PDE8B: variants seen among roughly 807,000 people sequenced by gnomAD.
PDE8B encodes phosphodiesterase 8B.
Under a neutral mutation model 101.3 loss-of-function variants are expected in PDE8B, and 26 were observed. That is an observed-to-expected ratio of 0.26 (90% CI 0.19 to 0.36). PDE8B has a LOEUF of 0.36. Ranked by LOEUF, PDE8B falls within the 10% of genes least tolerant of loss-of-function variation. The pLI, the probability that PDE8B is intolerant of heterozygous loss-of-function variation, is 1.00. For synonymous variants in PDE8B, 424 were observed against 429.3 expected (o/e 0.99, Z 0.15); for missense variants, 810 against 1,163.1 (o/e 0.70, Z 4.42).
chr5:77,207,639 G>A (rs1285253758), upstream of PDE8B, among the ~76,000 whole-genome samples: 1 of 152,134 alleles, frequency 6.6e-6, no homozygotes, highest in East Asian at 1.9e-4. Context: ...GGGATGCATT[G>A]AAGTGGTCAG....
chr5:77,312,096 TTTTTTTTTC>T, intron 2 of PDE8B, 43 bp downstream of exon 2: 1 of 1,272,714 alleles, frequency 7.9e-7, no homozygotes. Flanking sequence ...ATTATTTTCT[TTTTTTTTTC>T]TTTTTTTTTT....
the PDE8B span, among the ~76,000 whole-genome samples, chr5:77,178,887 G>T: frequency 1.3e-5 from 2 of 152,216 alleles, no homozygotes; most frequent in African/African-American, 4.8e-5. Flanking sequence ...TTCCCTGCCG[G>T]GTGGGCCTCC....
intron 11 of PDE8B, among the ~76,000 whole-genome samples, chr5:77,402,496 G>T (rs1476932046): frequency 6.6e-6 from 1 of 152,076 alleles, no homozygotes; most frequent in Non-Finnish European, 1.5e-5. Context: ...GTTGAATCAG[G>T]TTTTTAGGAC....
the PDE8B span, among the ~76,000 whole-genome samples, chr5:77,181,448 G>A: frequency 6.6e-6 from 1 of 152,178 alleles, no homozygotes; most frequent in African/African-American, 2.4e-5. Context: ...CCTAAGGACT[G>A]TTGGGAGAGG....
intron 1 of PDE8B, among the ~76,000 whole-genome samples, chr5:77,259,185 G>A (rs1759948850): frequency 2.0e-5 from 3 of 150,424 alleles, no homozygotes; most frequent in African/African-American, 7.3e-5. Flanking sequence ...TTTGGGTACA[G>A]CTCCAGCCTC....
the PDE8B span, among the ~76,000 whole-genome samples, chr5:77,180,250 C>G: frequency 6.6e-6 from 1 of 152,198 alleles, no homozygotes. Context: ...CAGGCACCCG[C>G]CGGCCCGGGG....
chr5:77,210,504 A>C (rs1347770956), upstream of PDE8B: 2 of 410,550 alleles, frequency 4.9e-6, no homozygotes, highest in African/African-American at 4.4e-5. The surrounding 1 kb of genome is among the most constrained non-coding windows in gnomAD (Gnocchi z 4.9). Context: ...AGGTGCAGGC[A>C]GGCGGGCAGG....
intron 7 of PDE8B, among the ~76,000 whole-genome samples, chr5:77,345,804 G>T (rs1195067827): frequency 6.6e-6 from 1 of 152,130 alleles, no homozygotes; most frequent in Non-Finnish European, 1.5e-5. Context: ...TGGAGTGTGA[G>T]GAGCACTTAT....
chr5:77,117,473 G>C, the PDE8B span, among the ~76,000 whole-genome samples: 2 of 152,096 alleles, frequency 1.3e-5, no homozygotes, highest in Admixed American at 1.3e-4. Flanking sequence ...ATGAAGACAG[G>C]GTCTCACTGT....
At chr5:77,355,659 C>A (rs1198131615) in intron 10 of PDE8B, among the ~76,000 whole-genome samples, 1 of 152,218 alleles carries the variant, frequency 6.6e-6, no homozygotes, top group Non-Finnish European at 1.5e-5. Flanking sequence ...GTCTTCCTCT[C>A]CTCTGCACAC....
intron 10 of PDE8B, among the ~76,000 whole-genome samples, chr5:77,385,948 C>T (rs1233077518): frequency 1.3e-5 from 2 of 152,012 alleles, no homozygotes; most frequent in South Asian, 2.1e-4. Context: ...ATCACCATGC[C>T]TGGTCAATTT....
At chr5:77,382,575 CT>C (rs1435082886) in intron 10 of PDE8B, among the ~76,000 whole-genome samples, 3 of 152,162 alleles carry the variant, frequency 2.0e-5, no homozygotes, top group East Asian at 3.9e-4. Flanking sequence ...TGTCCCTCCC[CT>C]AACCCCCACC....
chr5:77,400,936 T>G (rs1403268664), intron 11 of PDE8B, among the ~76,000 whole-genome samples: 1 of 152,242 alleles, frequency 6.6e-6, no homozygotes, highest in African/African-American at 2.4e-5. Context: ...TGCAACATTC[T>G]TTGCCCTGTT....
At chr5:77,204,056 T>TG in the PDE8B span, among the ~76,000 whole-genome samples, 1 of 149,570 alleles carries the variant, frequency 6.7e-6, no homozygotes, top group South Asian at 2.2e-4. Context: ...CTTAGTTTTT[T>TG]TTTTTTTTTT....
chr5:77,207,375 A>G (rs1747586951), upstream of PDE8B, among the ~76,000 whole-genome samples: 1 of 152,190 alleles, frequency 6.6e-6, no homozygotes, highest in Non-Finnish European at 1.5e-5. Flanking sequence ...ATAATTTTAC[A>G]GTTAGCTCTT....
chr5:77,425,635 T>G lies in PDE8B; in HGVS notation c.2419-132T>G, dbSNP rs891609793. The G allele has an allele frequency of 5.6e-6, 5 of 887,996 alleles. No individual in the cohort carries two copies. The Admixed American group carries it at 9.1e-5, about 16-fold the overall frequency. 55.0% of individuals were successfully genotyped at this position (887,996 alleles called of 1,614,324 possible). ...GCTGACTTACGTAAGTCTGAGGACC[T>G]TGCTGAGCCTATTTCTTCATTGAGA... On this transcript the variant is annotated intron_variant, in intron 20 of 21. Coordinates refer to ENST00000264917, the MANE Select transcript of PDE8B (RefSeq NM_003719.5).
At chr5:77,302,569 T>C (rs1410063279) in intron 1 of PDE8B, among the ~76,000 whole-genome samples, 7 of 152,196 alleles carry the variant, frequency 4.6e-5, no homozygotes, top group African/African-American at 1.4e-4. Context: ...GCTTCCTCTT[T>C]CCATGCTCAT....
intron 1 of PDE8B, among the ~76,000 whole-genome samples, chr5:77,245,691 T>A (rs1756717915): frequency 6.6e-6 from 1 of 152,252 alleles, no homozygotes; most frequent in Non-Finnish European, 1.5e-5. Flanking sequence ...AGCAGCCCCG[T>A]GAGATAGATA....
chr5:77,338,354 C>G (rs1486241058), intron 6 of PDE8B, among the ~76,000 whole-genome samples: 1 of 152,156 alleles, frequency 6.6e-6, no homozygotes, highest in Non-Finnish European at 1.5e-5. Context: ...GCACCCTGGT[C>G]AGGGAAGTCA....
Sources: allele counts gnomAD v4.1 joint callset (sites outside exome capture counted in the v4.1 genomes callset), GRCh38; gene constraint gnomAD v4.1.1; non-coding constraint Gnocchi (gnomAD v3.1); transcripts MANE v1.5; gene names NCBI Gene and HGNC (gene_info 2026-07-23, HGNC 2026-07-21).